ADGRG1: variants seen among roughly 807,000 people sequenced by gnomAD.
ADGRG1 encodes the protein adhesion G protein-coupled receptor G1, also known as 7-transmembrane protein with no EGF-like N-terminal domains-1.
A neutral mutation model predicts 73.5 loss-of-function variants in ADGRG1; 53 were observed. The observed-to-expected ratio is 0.72, with a 90% confidence interval of 0.58 to 0.91. The LOEUF (loss-of-function observed/expected upper bound fraction) is 0.91, where lower values mean the gene tolerates loss of function less well. Ranked by LOEUF, ADGRG1 falls within the 40% of genes least tolerant of loss-of-function variation. ADGRG1 has a pLI of 0.00. For synonymous variants in ADGRG1, 394 were observed against 374.4 expected (o/e 1.05, Z -0.60); for missense variants, 795 against 871.8 (o/e 0.91, Z 1.11).
upstream of ADGRG1, chr16:57,627,028 T>C: frequency 1.0e-6 from 1 of 984,038 alleles, no homozygotes; most frequent in Non-Finnish European, 1.2e-6. Context: ...CCCCAGGTAT[T>C]GGCCCACAGC....
Position 57,663,543 on chromosome 16 carries a change from C to T in ADGRG1, c.2025C>T (p.Leu675=). Residue 675 remains leucine (L), a synonymous_variant, in exon 14 of 14, where the codon CTC becomes CTT. Coordinates refer to ENST00000562631, the MANE Select transcript of ADGRG1 (RefSeq NM_201525.4). ...PLKSNSDSAR[L]PISSGSTSSS... ...AGAGCAACTCAGACAGCGCCAGGCTCCCCATCAGCTCGGGCAGCACCTCGT... is the reference window on the plus strand; with the variant it reads ...AGAGCAACTCAGACAGCGCCAGGCTTCCCATCAGCTCGGGCAGCACCTCGT... The T allele has an allele frequency of 6.2e-7, 1 of 1,613,908 alleles. No homozygotes were observed.
At position 57,647,351 on chromosome 16, in the gene ADGRG1, G is replaced by A. The variant is rs1277178467; in HGVS notation, c.-35-2902G>A. ...TGCTCTGGTGGGTGAGCTGGTTGCT[G>A]GGGGCCGTACGGGAAGAGGGGGAAA... On this transcript the variant is annotated intron_variant, in intron 1 of 13. Transcript: ENST00000562631. 5.1e-6 allele frequency: 5 copies of A among 982,336 alleles called. No individual in the cohort carries two copies. The African/African-American group carries it at 8.8e-5, about 17-fold the overall frequency. The allele number at this position is 982,336 out of a possible 1,614,324, so 60.9% of individuals were successfully genotyped here. A position where few individuals can be genotyped will look rare whatever the true frequency, so the allele number is the denominator to read the frequency against.
At chr16:57,654,416 C>CG (rs1207967604) in intron 5 of ADGRG1, among the ~76,000 whole-genome samples, 3 of 135,340 alleles carry the variant, frequency 2.2e-5, no homozygotes, top group Non-Finnish European at 3.2e-5. Flanking sequence ...CGCACCCCCC[C>CG]CCCCCGTTTT....
chr16:57,625,301 C>T (rs1449713954), upstream of ADGRG1, among the ~76,000 whole-genome samples: 1 of 152,184 alleles, frequency 6.6e-6, no homozygotes, highest in East Asian at 1.9e-4. Flanking sequence ...ACAGAGCTGC[C>T]CCCATTCCAT....
At chr16:57,647,108 C>T in intron 1 of ADGRG1, 6 of 985,412 alleles carry the variant, frequency 6.1e-6, no homozygotes, top group Non-Finnish European at 6.0e-6. Context: ...GTGGGGCAGA[C>T]CTGGAGGGGT....
intron 1 of ADGRG1, chr16:57,631,419 T>C (rs752429019): frequency 2.1e-4 from 203 of 985,072 alleles, no homozygotes; most frequent in Non-Finnish European, 2.3e-4. Context: ...TGGGCTTCCA[T>C]GTGGCAGGGC....
At chr16:57,624,675 C>T, upstream of ADGRG1, 4 of 976,452 alleles carry the variant, frequency 4.1e-6, no homozygotes, top group South Asian at 4.7e-5. Flanking sequence ...CCTCCCAGCC[C>T]CACCATGTCT....
chr16:57,657,294 G>T (rs545968389), intron 9 of ADGRG1, 79 bp from the exon 10 acceptor site: 8 of 1,606,216 alleles, frequency 5.0e-6, no homozygotes, highest in African/African-American at 4.0e-5. Flanking sequence ...GGGACCCCAG[G>T]TTAGCCCCTC....
Position 57,663,765 on chromosome 16 carries a change from C to T in ADGRG1, c.*183C>T. On this transcript the variant is annotated 3_prime_UTR_variant, in exon 14 of 14. Coordinates refer to ENST00000562631, the MANE Select transcript of ADGRG1 (RefSeq NM_201525.4). ...TCCCGGGCTGGGCTTTTGAATTGGC[C>T]TTGGGGACTACTCGGCTCTCACTCA... The T allele has an allele frequency of 1.5e-6, 1 of 675,314 alleles. No individual in the cohort carries two copies. Among genetic ancestry groups the T allele is most frequent in the East Asian group, 2.7e-5 (1 of 36,754 alleles). 41.8% of individuals were successfully genotyped at this position (675,314 alleles called of 1,614,324 possible). A position where few individuals can be genotyped will look rare whatever the true frequency, so the allele number is the denominator to read the frequency against.
chr16:57,626,044 T>G (rs567483559), upstream of ADGRG1, among the ~76,000 whole-genome samples: 2 of 152,276 alleles, frequency 1.3e-5, no homozygotes, highest in African/African-American at 4.8e-5. Context: ...TCGGTTCCCC[T>G]TCTGTAAAGT....
chr16:57,659,203 TG>T, intron 10 of ADGRG1: 1 of 985,308 alleles, frequency 1.0e-6, no homozygotes, highest in South Asian at 4.7e-5. Flanking sequence ...ACGTGGTGCC[TG>T]AGTCTGTGGG....
At chr16:57,634,478 C>T (rs1315302449) in intron 1 of ADGRG1, 27 of 984,928 alleles carry the variant, frequency 2.7e-5, no homozygotes, top group Non-Finnish European at 3.3e-5. Flanking sequence ...TCACTGCCTA[C>T]AAAGACCCTC....
intron 1 of ADGRG1, chr16:57,637,307 G>A (rs940307669): frequency 3.7e-5 from 36 of 985,168 alleles, no homozygotes; most frequent in Non-Finnish European, 4.3e-5. Context: ...TTGGCTCTGG[G>A]CAGCAATGAG....
rs146704802 is a variant in ADGRG1, at chr16:57,655,474, G to C, written c.844G>C (p.Gly282Arg). ...CTTCCAGAGGACGAAAGGCCGGAGC[G>C]GGGAGGCTGAGAAGAGACTCCTCCT... is the stretch of plus-strand genomic sequence containing the variant. ...TLFQRTKGRS[G>R]EAEKRLLLVD... Residue 282 changes from glycine to arginine, a missense_variant, in exon 6 of 14, where the codon GGG (glycine) becomes CGG (arginine). Physicochemically the swap from Gly to Arg is moderately radical, Grantham distance 125. Transcript: ENST00000562631. The C allele has an allele frequency of 4.4e-3, 7,036 of 1,613,802 alleles. 27 individuals are homozygous for C. Among genetic ancestry groups the C allele is most frequent in the Non-Finnish European group, 4.9e-3 (5,746 of 1,179,962 alleles).
rs530873516 is a variant in ADGRG1 at position 57,651,392 on chromosome 16, G to A, written c.257G>A (p.Gly86Asp). 20 of 1,613,984 alleles carry A rather than the reference G, an allele frequency of 1.2e-5. No individual in the cohort carries two copies. The highest frequency in any genetic ancestry group is 1.6e-5 in the Non-Finnish European group (19 of 1,179,960). Residue 86 changes from glycine (G) to aspartate (D), a missense_variant, in exon 3 of 14, where the codon GGC becomes GAC. Coordinates refer to ENST00000562631, the MANE Select transcript of ADGRG1 (RefSeq NM_201525.4). ...PASRSFPDPRGLYHFCLYWNR... is the reference protein window; with the variant it reads ...PASRSFPDPRDLYHFCLYWNR... The stretch of plus-strand genomic sequence containing the variant: ...TCCCGATCCTTCCCTGACCCCAGGG[G>A]CCTCTACCACTTCTGCCTCTACTGG...
upstream of ADGRG1, chr16:57,626,998 G>C (rs1385553758): frequency 2.0e-6 from 2 of 985,372 alleles, no homozygotes; most frequent in Non-Finnish European, 1.2e-6. Flanking sequence ...CATGGGCCCA[G>C]TCCCCACTGT....
chr16:57,625,708 G>A, upstream of ADGRG1: 4 of 973,528 alleles, frequency 4.1e-6, no homozygotes, highest in Non-Finnish European at 4.9e-6. Flanking sequence ...ACCACATTTT[G>A]AGGGCTAATC....
At chr16:57,652,032 C>G (rs1198533261) in intron 3 of ADGRG1, 16 of 1,087,790 alleles carry the variant, frequency 1.5e-5, no homozygotes, top group Middle Eastern at 4.3e-4. Flanking sequence ...TATTTCCTTT[C>G]ACAGAGGAGG....
rs2046526809 is a variant in ADGRG1, at chr16:57,659,411, A to G, written c.1287-2A>G. The stretch of plus-strand genomic sequence containing the variant: ...GCCCACCAGGGTGCCCCTGCCGTGC[A>G]GGAGGAAACCTCGGGACTACACCAT... On this transcript the variant is annotated splice_acceptor_variant, in intron 10 of 13. Coordinates refer to ENST00000562631, the MANE Select transcript of ADGRG1 (RefSeq NM_201525.4). LOFTEE classifies it high-confidence loss of function. 6.2e-7 allele frequency: 1 copy of G among 1,613,610 alleles called. No individual in the cohort carries two copies. The highest frequency in any genetic ancestry group is 1.7e-5 in the Admixed American group (1 of 60,008).
Sources: gnomAD v4.1 joint callset for allele counts (sites outside exome capture counted in the v4.1 genomes callset) on GRCh38, gnomAD v4.1.1 for gene constraint, MANE v1.5 for transcripts, NCBI Gene and HGNC (gene_info 2026-07-23, HGNC 2026-07-21) for gene names.